The following FAM107A variants were observed in gnomAD, a reference collection of about 807,000 sequenced individuals.
The protein encoded by FAM107A is family with sequence similarity 107 member A.
Under a neutral mutation model 13.7 loss-of-function variants are expected in FAM107A, and 19 were observed. That is an observed-to-expected ratio of 1.38 (90% CI 0.97 to 2.03). The LOEUF is 2.03. FAM107A is among the 30% of genes most tolerant of loss of function. The pLI is 0.00. For synonymous variants in FAM107A, 82 were observed against 74.5 expected (o/e 1.10, Z -0.52); for missense variants, 203 against 184.4 (o/e 1.10, Z -0.58).
rs75194719 is a variant in FAM107A at position 58,618,170 on chromosome 3, G to C, written c.-70+9246C>G. 7.3e-4 allele frequency among the ~76,000 whole-genome samples: 111 copies of C among 152,318 alleles called. No homozygotes were observed. The East Asian group carries it at 0.019, about 26-fold the overall frequency. ...TGAGGCTCAAGGGGGGTAGGCCCAGGTTGGCTGTGTTGTGCAAGGTTTCTG... is the reference window on the plus strand; with the variant it reads ...TGAGGCTCAAGGGGGGTAGGCCCAGCTTGGCTGTGTTGTGCAAGGTTTCTG... On this transcript the variant is annotated intron_variant, in intron 1 of 3. Coordinates refer to the FAM107A transcript ENST00000465970.
intron 1 of FAM107A, among the ~76,000 whole-genome samples, chr3:58,623,977 C>A (rs2065984000): frequency 6.6e-6 from 1 of 152,220 alleles, no homozygotes; most frequent in South Asian, 2.1e-4. Context: ...TGTCCTCTAT[C>A]CTGGGCGAGG....
upstream of FAM107A, among the ~76,000 whole-genome samples, chr3:58,581,118 GA>G (rs2065534393): frequency 6.6e-6 from 1 of 152,222 alleles, no homozygotes; most frequent in Non-Finnish European, 1.5e-5. Flanking sequence ...CTTCCAAAAG[GA>G]AGGACTCTGG....
At position 58,617,541 on chromosome 3, in the gene FAM107A, T is replaced by A. The variant is rs891393389; in HGVS notation, c.-70+9875A>T. On this transcript the variant is annotated intron_variant, in intron 1 of 3. Coordinates refer to the FAM107A transcript ENST00000465970. This position sits in a 1 kb window ranked among gnomAD's most constrained non-coding sequence, Gnocchi z 4.5. ...TTTCTCTCCGCCCCAGGCCCTGAGATCTGATCTCTTACTTACACAAAGCCC... is the reference window on the plus strand; with the variant it reads ...TTTCTCTCCGCCCCAGGCCCTGAGAACTGATCTCTTACTTACACAAAGCCC... Among the ~76,000 whole-genome samples, 7 of 152,122 alleles carry A rather than the reference T, an allele frequency of 4.6e-5. No homozygotes were observed.
chr3:58,584,253 T>A (rs1016255743), intron 1 of FAM107A, among the ~76,000 whole-genome samples: 7 of 152,214 alleles, frequency 4.6e-5, no homozygotes, highest in African/African-American at 1.4e-4. Context: ...TTTCCATTAC[T>A]CTGCTCCCTG....
At chr3:58,590,405 C>T (rs1420056750), upstream of FAM107A, among the ~76,000 whole-genome samples, 1 of 152,234 alleles carries the variant, frequency 6.6e-6, no homozygotes, top group Non-Finnish European at 1.5e-5. Context: ...TCCCAGGCCT[C>T]CATGCCACCA....
At chr3:58,608,951 G>T (rs905751960) in intron 1 of FAM107A, 14 of 152,206 alleles carry the variant, frequency 9.2e-5, no homozygotes, top group Admixed American at 3.9e-4. Context: ...ATGGGGCTTT[G>T]CATGCATCTC....
chr3:58,618,697 T>G (rs2065926330), intron 1 of FAM107A, among the ~76,000 whole-genome samples: 1 of 152,204 alleles, frequency 6.6e-6, no homozygotes, highest in Non-Finnish European at 1.5e-5. Context: ...GGGGGGAAGG[T>G]GCCCATCTTG....
At chr3:58,591,436 C>T (rs758464579), upstream of FAM107A, among the ~76,000 whole-genome samples, 8 of 152,000 alleles carry the variant, frequency 5.3e-5, no homozygotes, top group African/African-American at 7.2e-5. The surrounding 1 kb of genome is among the most constrained non-coding windows in gnomAD (Gnocchi z 4.3). Context: ...TCAGGGTGGC[C>T]GAAGTGGAGG....
Position 58,604,495 on chromosome 3 carries a change from C to T in FAM107A, c.-69-15226G>A, listed in dbSNP as rs559172170. ...CTGAGGCACAGAGCACTGAGGGACT[C>T]GCACAGTGAGTTAGTGGCAGGGTCA... On this transcript the variant is annotated intron_variant, in intron 1 of 3. Transcript: ENST00000465970. This position sits in a 1 kb window ranked among gnomAD's most constrained non-coding sequence, Gnocchi z 4.1. Among the ~76,000 whole-genome samples the T allele has an allele frequency of 9.2e-5, 14 of 152,242 alleles. No individual in the cohort carries two copies. Among genetic ancestry groups the T allele is most frequent in the Non-Finnish European group, 1.3e-4 (9 of 68,020 alleles).
intron 1 of FAM107A, among the ~76,000 whole-genome samples, chr3:58,597,752 T>A (rs1398501623): frequency 2.0e-5 from 3 of 151,892 alleles, no homozygotes; most frequent in East Asian, 3.9e-4. Flanking sequence ...TAGGGAAGAG[T>A]GAAGTTCTTG....
At chr3:58,601,534 G>A (rs1187214586) in intron 1 of FAM107A, among the ~76,000 whole-genome samples, 1 of 152,146 alleles carries the variant, frequency 6.6e-6, no homozygotes. Context: ...TTATTTTAGT[G>A]GTCCTAACTG....
At chr3:58,587,472 AGAGTGTGTGT>A (rs1367824173), upstream of FAM107A, among the ~76,000 whole-genome samples, 133 of 116,438 alleles carry the variant, frequency 1.1e-3, no homozygotes, top group Admixed American at 1.8e-3. Context: ...TAATCAGCTT[AGAGTGTGTGT>A]GTGTGTGTGT....
intron 1 of FAM107A, among the ~76,000 whole-genome samples, chr3:58,597,670 A>T (rs2108068914): frequency 6.6e-6 from 1 of 152,364 alleles, no homozygotes; most frequent in African/African-American, 2.4e-5. Flanking sequence ...TATCGAGCAC[A>T]TTCTAGTGCT....
chr3:58,616,660 G>T (rs11718737), intron 1 of FAM107A, among the ~76,000 whole-genome samples: 10,993 of 152,028 alleles, frequency 0.072, 449 homozygotes, highest in African/African-American at 0.096. Flanking sequence ...AAAGCTAAGA[G>T]AAGGGCATGG....
intron 1 of FAM107A, among the ~76,000 whole-genome samples, chr3:58,596,253 T>A (rs2065706268): frequency 6.6e-6 from 1 of 152,192 alleles, no homozygotes; most frequent in Non-Finnish European, 1.5e-5. Context: ...TTGCTTCTCC[T>A]AGAGGCTGAG....
intron 1 of FAM107A, among the ~76,000 whole-genome samples, chr3:58,586,309 G>C (rs907507460): frequency 6.6e-6 from 1 of 152,194 alleles, no homozygotes; most frequent in Non-Finnish European, 1.5e-5. Context: ...CTGTGGTCAA[G>C]AAACTGTGTG....
chr3:58,577,799 G>A, upstream of FAM107A: 1 of 909,678 alleles, frequency 1.1e-6, no homozygotes, highest in Non-Finnish European at 1.3e-6. This position sits in a 1 kb window ranked among gnomAD's most constrained non-coding sequence, Gnocchi z 4.9. Flanking sequence ...TGGCTCTGGG[G>A]GGAAAAGGGT....
upstream of FAM107A, among the ~76,000 whole-genome samples, chr3:58,578,205 T>C (rs187677093): frequency 6.6e-6 from 1 of 152,344 alleles, no homozygotes; most frequent in African/African-American, 2.4e-5. Context: ...GAGCCCAGCA[T>C]GGTGCATTTT....
chr3:58,605,750 G>A (rs138828256), intron 1 of FAM107A, among the ~76,000 whole-genome samples: 1 of 152,188 alleles, frequency 6.6e-6, no homozygotes, highest in East Asian at 1.9e-4. Flanking sequence ...CTATAATCTT[G>A]GAATGCTCAC....
Sources: allele counts gnomAD v4.1 joint callset (sites outside exome capture counted in the v4.1 genomes callset), GRCh38; gene constraint gnomAD v4.1.1; non-coding constraint Gnocchi (gnomAD v3.1); transcripts MANE v1.5; gene names NCBI Gene and HGNC (gene_info 2026-07-23, HGNC 2026-07-21).